Variants in SGCZ observed in about 807,000 individuals in gnomAD.
SGCZ encodes sarcoglycan zeta.
A neutral mutation model predicts 41.3 loss-of-function variants in SGCZ; 40 were observed. The ratio of observed to expected loss-of-function variants is 0.97; its 90% confidence interval spans 0.75 to 1.26. The LOEUF (loss-of-function observed/expected upper bound fraction) is 1.26, where lower values mean the gene tolerates loss of function less well. SGCZ is among the 50% of genes most tolerant of loss of function. The probability of loss-of-function intolerance (pLI) is 0.00; values close to 1 mark genes in which losing one functional copy is unlikely to be tolerated. For missense variants in SGCZ, 552 were observed against 369.8 expected (o/e 1.49, Z -4.04); for synonymous variants, 206 against 137.5 (o/e 1.50, Z -3.49).
chr8:14,796,984 G>A lies in SGCZ; in HGVS notation c.40-242058C>T, dbSNP rs576687368. 2.0e-4 allele frequency among the ~76,000 whole-genome samples: 30 copies of A among 152,282 alleles called. 1 individual carries two copies. In the South Asian group the frequency reaches 6.2e-3, roughly 32 times the overall value. On this transcript the variant is annotated intron_variant, in intron 1 of 7. Transcript: ENST00000382080. The stretch of plus-strand genomic sequence containing the variant: ...AGTTTCCTGATGCCTCCCCAGCCGT[G>A]CTGAACCACAAGTCAATTAAACCTC...
In SGCZ at chr8:14,372,166, T is replaced by G. The variant is rs922776591; in HGVS notation, c.235-47962A>C. ...ATGACTAGGTTTTAGATCCTAAGGG[T>G]AGTACTCATGGAACTCTCTCACAGT... On this transcript the variant is annotated intron_variant, in intron 2 of 7. Coordinates refer to ENST00000382080, the MANE Select transcript of SGCZ (RefSeq NM_139167.4). Among the ~76,000 whole-genome samples the G allele has an allele frequency of 2.6e-5, 4 of 152,176 alleles. No individual in the cohort carries two copies. In the Middle Eastern group the frequency reaches 0.01, roughly 388 times the overall value.
At chr8:14,540,468 A>C (rs1043373433) in intron 2 of SGCZ, among the ~76,000 whole-genome samples, 1 of 151,376 alleles carries the variant, frequency 6.6e-6, no homozygotes, top group South Asian at 2.1e-4. Flanking sequence ...CTGTTACATT[A>C]TATCTCTATA....
chr8:14,146,477 G>C (rs1803523822), intron 5 of SGCZ, among the ~76,000 whole-genome samples: 1 of 152,066 alleles, frequency 6.6e-6, no homozygotes, highest in Non-Finnish European at 1.5e-5. Context: ...ACATTAATTA[G>C]CAGTAAGAAA....
Position 14,131,113 on chromosome 8 carries a change from T to C in SGCZ, c.548-22878A>G, listed in dbSNP as rs1410997199. 2.0e-5 allele frequency among the ~76,000 whole-genome samples: 3 copies of C among 152,142 alleles called. No homozygotes were observed. The South Asian group carries it at 6.2e-4, about 32-fold the overall frequency. On this transcript the variant is annotated intron_variant, in intron 5 of 7. Coordinates refer to ENST00000382080, the MANE Select transcript of SGCZ (RefSeq NM_139167.4). Reference sequence around the variant, plus strand: ...GATCTTTTGCCTATCAAACTTCTGCTCTTAAACTCACTCCTTGTGTGTCCA... The same window carrying C: ...GATCTTTTGCCTATCAAACTTCTGCCCTTAAACTCACTCCTTGTGTGTCCA...
At chr8:15,230,185 TAAAA>T (rs200066472) in intron 1 of SGCZ, among the ~76,000 whole-genome samples, 1 of 139,380 alleles carries the variant, frequency 7.2e-6, no homozygotes, top group Non-Finnish European at 1.6e-5. Flanking sequence ...GGATACTAGT[TAAAA>T]AAAAAAAAAA....
intron 2 of SGCZ, among the ~76,000 whole-genome samples, chr8:14,418,379 G>T (rs1052962514): frequency 1.6e-4 from 24 of 151,986 alleles, no homozygotes; most frequent in Non-Finnish European, 1.3e-4. Flanking sequence ...TCAAGAAAGG[G>T]GATTCCTGAG....
intron 1 of SGCZ, among the ~76,000 whole-genome samples, chr8:14,771,321 C>T (rs1476850716): frequency 6.6e-6 from 1 of 152,012 alleles, no homozygotes; most frequent in Admixed American, 6.6e-5. Flanking sequence ...AAACTCAGAT[C>T]TAAGAGTAAT....
chr8:15,156,314 G>C (rs1412158454), intron 1 of SGCZ, among the ~76,000 whole-genome samples: 1 of 152,106 alleles, frequency 6.6e-6, no homozygotes, highest in Non-Finnish European at 1.5e-5. Flanking sequence ...TTCCTACGCA[G>C]AAATAAGAAA....
intron 1 of SGCZ, among the ~76,000 whole-genome samples, chr8:14,914,506 G>A (rs541585530): frequency 5.3e-5 from 8 of 151,260 alleles, no homozygotes; most frequent in Non-Finnish European, 8.8e-5. Context: ...GCAAAAGGTC[G>A]TTTGGAAGCA....
intron 3 of SGCZ, among the ~76,000 whole-genome samples, chr8:14,290,528 C>T (rs59074197): frequency 0.16 from 24,835 of 151,936 alleles, 2,235 homozygotes; most frequent in East Asian, 0.28. Flanking sequence ...GGGTCAAAAA[C>T]CTGAATAGAC....
intron 1 of SGCZ, among the ~76,000 whole-genome samples, chr8:15,169,968 C>A (rs558085895): frequency 6.6e-6 from 1 of 152,130 alleles, no homozygotes; most frequent in African/African-American, 2.4e-5. Flanking sequence ...TGTTTCCAGT[C>A]GAAAATACTG....
At chr8:14,245,936 G>C (rs1799070482) in intron 3 of SGCZ, among the ~76,000 whole-genome samples, 1 of 152,162 alleles carries the variant, frequency 6.6e-6, no homozygotes, top group South Asian at 2.1e-4. Flanking sequence ...TCATTAAAAA[G>C]TCAGGAAGCA....
At chr8:14,600,901 T>A (rs184108050) in intron 1 of SGCZ, among the ~76,000 whole-genome samples, 1 of 151,912 alleles carries the variant, frequency 6.6e-6, no homozygotes, top group Non-Finnish European at 1.5e-5. Context: ...TCTGATATTT[T>A]TTTTTTTGAT....
chr8:14,894,350 A>G (rs907736603), intron 1 of SGCZ, among the ~76,000 whole-genome samples: 1 of 152,212 alleles, frequency 6.6e-6, no homozygotes, highest in African/African-American at 2.4e-5. Flanking sequence ...CACATCTGTC[A>G]TTAGAAAATT....
At chr8:14,132,974 GA>G (rs1803087476) in intron 5 of SGCZ, among the ~76,000 whole-genome samples, 1 of 152,064 alleles carries the variant, frequency 6.6e-6, no homozygotes, top group African/African-American at 2.4e-5. Context: ...AGTGTTTTGA[GA>G]AGATTTCCTT....
At chr8:14,136,263 C>A (rs983917481) in intron 5 of SGCZ, among the ~76,000 whole-genome samples, 1 of 152,142 alleles carries the variant, frequency 6.6e-6, no homozygotes, top group Non-Finnish European at 1.5e-5. Flanking sequence ...TTCTGCATTT[C>A]CAACTGAGGT....
At chr8:14,439,630 A>G (rs1353078437) in intron 2 of SGCZ, among the ~76,000 whole-genome samples, 1 of 151,974 alleles carries the variant, frequency 6.6e-6, no homozygotes, top group African/African-American at 2.4e-5. Flanking sequence ...TCCATATTAA[A>G]AAAATCAATC....
intron 1 of SGCZ, among the ~76,000 whole-genome samples, chr8:15,119,844 C>G (rs1807411929): frequency 6.6e-6 from 1 of 152,170 alleles, no homozygotes; most frequent in Non-Finnish European, 1.5e-5. Flanking sequence ...CAGTCTCGCT[C>G]TGTTGACCAG....
chr8:14,721,659 A>C (rs1213819715), intron 1 of SGCZ, among the ~76,000 whole-genome samples: 1 of 152,106 alleles, frequency 6.6e-6, no homozygotes, highest in East Asian at 1.9e-4. Flanking sequence ...ATAATTTGTC[A>C]CCCTATTTCT....
Sources: gnomAD v4.1 joint callset for allele counts (sites outside exome capture counted in the v4.1 genomes callset) on GRCh38, gnomAD v4.1.1 for gene constraint, MANE v1.5 for transcripts, NCBI Gene and HGNC (gene_info 2026-07-23, HGNC 2026-07-21) for gene names.